Variants in NXPH1 observed in about 807,000 individuals in gnomAD.
NXPH1 encodes the protein neurexophilin 1.
In NXPH1, 5 loss-of-function variants were observed where a neutral mutation model predicts 23.7. That is an observed-to-expected ratio of 0.21 (90% confidence interval 0.11 to 0.44). NXPH1 has a LOEUF of 0.44. Among genes scored for constraint, NXPH1 ranks in the 20% least tolerant of loss-of-function variants. The pLI is 0.99. For missense variants in NXPH1, 324 were observed against 321.6 expected, an observed-to-expected ratio of 1.01 and a Z score of -0.06; for synonymous variants, 144 against 122.2, an observed-to-expected ratio of 1.18 and a Z score of -1.18.
intron 2 of NXPH1, among the ~76,000 whole-genome samples, chr7:8,516,521 T>A (rs1325372637): frequency 6.6e-6 from 1 of 152,172 alleles, no homozygotes; most frequent in African/African-American, 2.4e-5. Flanking sequence ...TCTTCAGATA[T>A]CACCTGGTGC....
chr7:8,517,060 T>A (rs939550896), intron 2 of NXPH1, among the ~76,000 whole-genome samples: 3 of 152,134 alleles, frequency 2.0e-5, no homozygotes, highest in Non-Finnish European at 2.9e-5. Context: ...ACAAATGTAC[T>A]GAGCACCTAC....
At chr7:8,518,051 G>C (rs1434201688) in intron 2 of NXPH1, among the ~76,000 whole-genome samples, 2 of 152,132 alleles carry the variant, frequency 1.3e-5, no homozygotes, top group Non-Finnish European at 2.9e-5. Context: ...AGCTATATTT[G>C]TGAAACTTTG....
At position 8,752,016 on chromosome 7, in the gene NXPH1, T is replaced by C. The variant is rs146456118; in HGVS notation, c.*247T>C. On this transcript the variant is annotated 3_prime_UTR_variant, in exon 3 of 3. Transcript: ENST00000405863. ...ACACCTGAAGACATGCTCTCACATA[T>C]AGAGGTACACAAACACACCGTCATG... 2.3e-4 allele frequency: 105 copies of C among 455,800 alleles called. 1 individual carries two copies. The highest frequency in any genetic ancestry group is 1.8e-3 in the African/African-American group (95 of 51,806). The allele number at this position is 455,800 out of a possible 1,614,324, so 28.2% of individuals were successfully genotyped here. A position where few individuals can be genotyped will look rare whatever the true frequency, so the allele number is the denominator to read the frequency against.
intron 2 of NXPH1, among the ~76,000 whole-genome samples, chr7:8,678,479 C>T (rs1820990670): frequency 6.6e-6 from 1 of 152,150 alleles, no homozygotes; most frequent in African/African-American, 2.4e-5. Flanking sequence ...TGTTTTTCTC[C>T]AGTTGCATCC....
chr7:8,517,621 A>G (rs533305012), intron 2 of NXPH1, among the ~76,000 whole-genome samples: 2 of 152,242 alleles, frequency 1.3e-5, no homozygotes, highest in East Asian at 3.9e-4. Context: ...CTTTAAAGAG[A>G]ACATACGGCA....
chr7:8,538,229 C>G (rs762516616), intron 2 of NXPH1, among the ~76,000 whole-genome samples: 3 of 151,864 alleles, frequency 2.0e-5, no homozygotes, highest in Non-Finnish European at 2.9e-5. Context: ...CCCCAAATAT[C>G]TGGCTGGTGA....
intron 2 of NXPH1, among the ~76,000 whole-genome samples, chr7:8,499,198 G>T (rs1465108549): frequency 4.6e-5 from 7 of 152,042 alleles, no homozygotes; most frequent in Admixed American, 4.6e-4. Flanking sequence ...CTTAAGGAAA[G>T]TACTTTAAAG....
chr7:8,487,684 C>T (rs1298994917), intron 2 of NXPH1, among the ~76,000 whole-genome samples: 2 of 152,184 alleles, frequency 1.3e-5, no homozygotes, highest in East Asian at 1.9e-4. Flanking sequence ...ACTTCATTCA[C>T]TAGCTTGCTC....
chr7:8,636,651 A>G (rs922441064), intron 2 of NXPH1, among the ~76,000 whole-genome samples: 4 of 152,176 alleles, frequency 2.6e-5, no homozygotes, highest in African/African-American at 4.8e-5. Context: ...GTCAGTAGGA[A>G]AGCATGCTGT....
chr7:8,451,444 C>G (rs932114094), intron 2 of NXPH1, among the ~76,000 whole-genome samples: 1 of 152,182 alleles, frequency 6.6e-6, no homozygotes, highest in Non-Finnish European at 1.5e-5. Context: ...TAACCTTGAG[C>G]TGAACAAATT....
intron 2 of NXPH1, among the ~76,000 whole-genome samples, chr7:8,616,991 A>G (rs879889621): frequency 6.6e-6 from 1 of 152,206 alleles, no homozygotes; most frequent in Non-Finnish European, 1.5e-5. Context: ...CACTGGCTTC[A>G]GTGGATAAGA....
intron 2 of NXPH1, among the ~76,000 whole-genome samples, chr7:8,463,539 G>A (rs1816729287): frequency 6.6e-6 from 1 of 151,988 alleles, no homozygotes; most frequent in Non-Finnish European, 1.5e-5. Context: ...CCATTCAAAA[G>A]TTTTGTCCCA....
At chr7:8,616,458 C>G (rs1261498053) in intron 2 of NXPH1, among the ~76,000 whole-genome samples, 2 of 152,138 alleles carry the variant, frequency 1.3e-5, no homozygotes, top group Non-Finnish European at 2.9e-5. Flanking sequence ...GTCATCTCGA[C>G]TCAACTTGTT....
chr7:8,682,016 G>T (rs983105973), intron 2 of NXPH1, among the ~76,000 whole-genome samples: 6 of 152,204 alleles, frequency 3.9e-5, no homozygotes, highest in Non-Finnish European at 8.8e-5. Flanking sequence ...GAGAAAAACA[G>T]GAGGAGGAAG....
intron 2 of NXPH1, among the ~76,000 whole-genome samples, chr7:8,541,401 G>T (rs1300046051): frequency 6.6e-6 from 1 of 151,452 alleles, no homozygotes; most frequent in Non-Finnish European, 1.5e-5. Context: ...AGGGAGGGAG[G>T]ATTGGAAAGA....
At chr7:8,532,075 G>C (rs1049993868) in intron 2 of NXPH1, among the ~76,000 whole-genome samples, 18 of 152,070 alleles carry the variant, frequency 1.2e-4, no homozygotes, top group African/African-American at 4.3e-4. Flanking sequence ...AAAATTAACA[G>C]CCATAAAAGT....
chr7:8,585,137 C>T (rs958538245), intron 2 of NXPH1, among the ~76,000 whole-genome samples: 1 of 152,176 alleles, frequency 6.6e-6, no homozygotes, highest in Non-Finnish European at 1.5e-5. Flanking sequence ...GGGACTTTCT[C>T]TAAAATTATT....
At chr7:8,612,515 C>T (rs1819643572) in intron 2 of NXPH1, among the ~76,000 whole-genome samples, 1 of 151,954 alleles carries the variant, frequency 6.6e-6, no homozygotes, top group South Asian at 2.1e-4. Context: ...CTGACTTGGC[C>T]AGTTTTGCCA....
intron 2 of NXPH1, among the ~76,000 whole-genome samples, chr7:8,730,265 G>A (rs1162701786): frequency 2.0e-5 from 3 of 149,770 alleles, no homozygotes; most frequent in Non-Finnish European, 4.5e-5. Flanking sequence ...CCTGAATACA[G>A]CACACTGATG....
Sources: gnomAD v4.1 joint callset for allele counts (sites outside exome capture counted in the v4.1 genomes callset) on GRCh38, gnomAD v4.1.1 for gene constraint, MANE v1.5 for transcripts, NCBI Gene and HGNC (gene_info 2026-07-23, HGNC 2026-07-21) for gene names.